The following PUDP variants were observed in gnomAD, a reference collection of about 807,000 sequenced individuals.
The protein encoded by PUDP is pseudouridine 5'-phosphatase.
Under a neutral mutation model 9.4 loss-of-function variants are expected in PUDP, and 8 were observed. The ratio of observed to expected loss-of-function variants is 0.85; its 90% CI spans 0.50 to 1.53. The LOEUF is 1.53. Among genes scored for constraint, PUDP ranks in the 40% most tolerant of loss-of-function variants. The probability of loss-of-function intolerance (pLI) is 0.00; values close to 1 mark genes in which losing one functional copy is unlikely to be tolerated. For missense variants in PUDP, 188 were observed against 189.7 expected (o/e 0.99, Z 0.05); for synonymous variants, 99 against 80.7 (o/e 1.23, Z -1.22).
At chrX:6,954,903 T>A (rs1037905754) in intron 3 of PUDP, among the ~76,000 whole-genome samples, 1 of 112,006 alleles carries the variant, frequency 8.9e-6, no homozygotes, top group African/African-American at 3.2e-5. Context: ...CGGGTATTGA[T>A]GATTGCCCAT....
intron 1 of PUDP, among the ~76,000 whole-genome samples, chrX:7,006,014 T>C (rs1260314548): frequency 8.9e-6 from 1 of 112,385 alleles, no homozygotes; most frequent in East Asian, 2.8e-4. Context: ...AAAATTTTTT[T>C]CCTTTTGAAG....
chrX:6,709,171 C>CATTGAGA (rs1924503672), intron 1 of PUDP, among the ~76,000 whole-genome samples: 1 of 111,896 alleles, frequency 8.9e-6, no homozygotes. Flanking sequence ...TTCAAATCCC[C>CATTGAGA]ATTGAGATTG....
chrX:6,947,656 G>A (rs889032637), intron 3 of PUDP, among the ~76,000 whole-genome samples: 1 of 111,061 alleles, frequency 9.0e-6, no homozygotes, highest in Non-Finnish European at 1.9e-5. Context: ...GCCAGGTATG[G>A]TGGCACATTC....
At chrX:6,926,280 G>A (rs983442076) in intron 3 of PUDP, among the ~76,000 whole-genome samples, 10 of 111,975 alleles carry the variant, frequency 8.9e-5, no homozygotes, top group African/African-American at 2.9e-4. Context: ...AAGCCCTCAC[G>A]AATTCCGCAC....
intron 3 of PUDP, among the ~76,000 whole-genome samples, chrX:6,748,068 T>A (rs1033654202): frequency 1.8e-5 from 2 of 112,193 alleles, no homozygotes; most frequent in Non-Finnish European, 3.8e-5. Context: ...ACTTGTTTAT[T>A]TGACACCTGG....
At chrX:7,003,141 G>A (rs961185648) in intron 1 of PUDP, among the ~76,000 whole-genome samples, 5 of 112,241 alleles carry the variant, frequency 4.5e-5, no homozygotes, top group African/African-American at 1.3e-4. Flanking sequence ...GGATAGTTTA[G>A]TTTTTTGAGT....
chrX:6,772,710 C>T (rs1274321944), intron 3 of PUDP, among the ~76,000 whole-genome samples: 1 of 108,743 alleles, frequency 9.2e-6, no homozygotes, highest in Non-Finnish European at 1.9e-5. Flanking sequence ...GTGGGTAGAT[C>T]ACTTGAGCCA....
chrX:7,097,560 A>G (rs1931607768), intron 2 of PUDP, among the ~76,000 whole-genome samples: 1 of 111,696 alleles, frequency 9.0e-6, no homozygotes, highest in Non-Finnish European at 1.9e-5. Context: ...CTGTGCAACA[A>G]TATCCTACCA....
At chrX:6,815,432 A>G (rs1478104987) in intron 3 of PUDP, among the ~76,000 whole-genome samples, 2 of 112,363 alleles carry the variant, frequency 1.8e-5, no homozygotes, top group African/African-American at 6.5e-5. Context: ...TCAAATTAAA[A>G]GGTTATTTAG....
chrX:7,047,541 A>G (rs1275945174), downstream of PUDP, among the ~76,000 whole-genome samples: 1 of 112,266 alleles, frequency 8.9e-6, no homozygotes, highest in African/African-American at 3.2e-5. Context: ...GATAACGTGT[A>G]CTCCTCAGCC....
chrX:6,820,767 G>A (rs754840094), intron 3 of PUDP, among the ~76,000 whole-genome samples: 49 of 111,851 alleles, frequency 4.4e-4, no homozygotes, highest in Non-Finnish European at 7.9e-4. Flanking sequence ...CCTCCCTCTC[G>A]GCTGATTTCA....
intron 3 of PUDP, among the ~76,000 whole-genome samples, chrX:6,919,831 C>CCTGGG (rs778242423): frequency 2.6e-5 from 2 of 77,688 alleles, no homozygotes; most frequent in East Asian, 8.6e-4. Flanking sequence ...TGCACTCCAG[C>CCTGGG]CTGGGTGACA....
intron 3 of PUDP, among the ~76,000 whole-genome samples, chrX:6,930,609 G>C (rs1464055472): frequency 9.0e-6 from 1 of 111,353 alleles, no homozygotes; most frequent in Admixed American, 9.5e-5. Flanking sequence ...CAATGATCAA[G>C]AAATAACCAT....
intron 3 of PUDP, among the ~76,000 whole-genome samples, chrX:6,868,869 C>T (rs1479745504): frequency 1.8e-5 from 2 of 112,295 alleles, no homozygotes; most frequent in African/African-American, 6.5e-5. Context: ...ATCTCAGTCA[C>T]TCTTCCCTGT....
intron 3 of PUDP, among the ~76,000 whole-genome samples, chrX:6,727,530 T>G (rs1924753597): frequency 8.9e-6 from 1 of 112,269 alleles, no homozygotes; most frequent in Non-Finnish European, 1.9e-5. Context: ...CCTCAGCACT[T>G]TTTACTACTG....
At chrX:6,788,199 C>T (rs746489050) in intron 3 of PUDP, among the ~76,000 whole-genome samples, 2 of 111,860 alleles carry the variant, frequency 1.8e-5, no homozygotes, top group East Asian at 5.6e-4. Context: ...ACTTTCAGGA[C>T]AGTATTCAAT....
chrX:6,838,807 C>G (rs1372046258), intron 3 of PUDP, among the ~76,000 whole-genome samples: 53 of 111,832 alleles, frequency 4.7e-4, no homozygotes, highest in Non-Finnish European at 1.5e-4. Context: ...AAACTTCTAC[C>G]TTCTCTGGAC....
At chrX:6,903,235 C>T (rs1344305679) in intron 3 of PUDP, among the ~76,000 whole-genome samples, 1 of 112,075 alleles carries the variant, frequency 8.9e-6, no homozygotes, top group Admixed American at 9.5e-5. Flanking sequence ...CTTAGGTATC[C>T]TCTTCAGGAA....
Position 6,882,219 on chromosome X carries a change from A to T in PUDP, c.*247+94914T>A, listed in dbSNP as rs1474800225. Reference sequence around the variant, plus strand: ...ACGTGAGACATTTGATAACAGTTGGATGTGTTTATAATTTACAAATAATAT... The same window carrying T: ...ACGTGAGACATTTGATAACAGTTGGTTGTGTTTATAATTTACAAATAATAT... On this transcript the variant is annotated intron_variant and NMD_transcript_variant, in intron 3 of 3. Transcript: ENST00000655425. 7.2e-5 allele frequency among the ~76,000 whole-genome samples: 8 copies of T among 111,237 alleles called. No individual in the cohort carries two copies. In the Admixed American group the frequency reaches 7.7e-4, roughly 11 times the overall value.
Sources: gnomAD v4.1 joint callset for allele counts (sites outside exome capture counted in the v4.1 genomes callset) on GRCh38, gnomAD v4.1.1 for gene constraint, MANE v1.5 for transcripts, NCBI Gene and HGNC (gene_info 2026-07-23, HGNC 2026-07-21) for gene names.